PGBD2: variants seen among roughly 807,000 people sequenced by gnomAD.
PGBD2 encodes the protein piggyBac transposable element-derived protein 2.
A neutral mutation model predicts 8.1 loss-of-function variants in PGBD2; 6 were observed. The ratio of observed to expected loss-of-function variants is 0.74; its 90% CI spans 0.40 to 1.46. The LOEUF is 1.46. Among genes scored for constraint, PGBD2 ranks in the 40% most tolerant of loss-of-function variants. The probability of loss-of-function intolerance (pLI) is 0.02; values close to 1 mark genes in which losing one functional copy is unlikely to be tolerated. For missense variants in PGBD2, 802 were observed against 739.0 expected, an observed-to-expected ratio of 1.09 and a Z score of -0.99; for synonymous variants, 318 against 272.2, an observed-to-expected ratio of 1.17 and a Z score of -1.66.
rs572383689 is a variant in PGBD2, at chr1:248,916,477, G to T, written c.18-125G>T. ...ATTTACTTACTAAATGCGGTGCCTT[G>T]TGATGCCAGATCTGTGAAGCCATTC... On this transcript the variant is annotated intron_variant, in intron 2 of 2. Transcript: ENST00000329291. 24 of 734,462 alleles carry T rather than the reference G, an allele frequency of 3.3e-5. No homozygotes were observed. In the African/African-American group the frequency reaches 3.5e-4, roughly 11 times the overall value. 45.5% of individuals were successfully genotyped at this position (734,462 alleles called of 1,614,324 possible). A position where few individuals can be genotyped will look rare whatever the true frequency, so the allele number is the denominator to read the frequency against.
At chr1:248,887,789 T>C in the PGBD2 span, among the ~76,000 whole-genome samples, 2 of 152,192 alleles carry the variant, frequency 1.3e-5, no homozygotes, top group Admixed American at 6.5e-5. Flanking sequence ...ACAAACACTT[T>C]TGCACCAACC....
At chr1:248,919,734 C>T (rs1312777382), downstream of PGBD2, 2 of 166,770 alleles carry the variant, frequency 1.2e-5, no homozygotes, top group African/African-American at 2.4e-5. Flanking sequence ...CTTTTCTCCA[C>T]ATCCTTGCCA....
At chr1:248,904,576 C>G (rs1558282516), upstream of PGBD2, among the ~76,000 whole-genome samples, 2 of 152,162 alleles carry the variant, frequency 1.3e-5, no homozygotes, top group Admixed American at 6.5e-5. Flanking sequence ...GAACTCACCC[C>G]CTCTTTGACC....
chr1:248,898,741 C>A, the PGBD2 span, among the ~76,000 whole-genome samples: 4 of 152,112 alleles, frequency 2.6e-5, no homozygotes, highest in Non-Finnish European at 5.9e-5. Context: ...ATGACGGGAA[C>A]AAATTCACAA....
At chr1:248,894,705 TCTTTCTTG>T in the PGBD2 span, among the ~76,000 whole-genome samples, 2 of 139,996 alleles carry the variant, frequency 1.4e-5, no homozygotes, top group African/African-American at 5.9e-5. Flanking sequence ...CTCCCTCCTT[TCTTTCTTG>T]CTTGCTTGCT....
At chr1:248,874,184 T>C in the PGBD2 span, among the ~76,000 whole-genome samples, 1 of 152,218 alleles carries the variant, frequency 6.6e-6, no homozygotes, top group Non-Finnish European at 1.5e-5. Flanking sequence ...ATCATGTTTC[T>C]ATAGGAGATA....
chr1:248,894,200 C>G, the PGBD2 span, among the ~76,000 whole-genome samples: 1 of 151,850 alleles, frequency 6.6e-6, no homozygotes, highest in Non-Finnish European at 1.5e-5. Context: ...TTTGGGTTGT[C>G]TTTTTATTTT....
intron 1 of PGBD2, among the ~76,000 whole-genome samples, chr1:248,911,668 G>A (rs1661886581): frequency 6.7e-6 from 1 of 148,924 alleles, no homozygotes. Flanking sequence ...CCGGGCAGAG[G>A]GGCTCCTCAC....
chr1:248,887,747 G>A, the PGBD2 span, among the ~76,000 whole-genome samples: 3 of 152,076 alleles, frequency 2.0e-5, no homozygotes, highest in African/African-American at 4.8e-5. Context: ...AAGTGATTGC[G>A]ATTTTTGCCA....
chr1:248,907,281 A>G (rs12120712), intron 1 of PGBD2, among the ~76,000 whole-genome samples: 3,528 of 152,358 alleles, frequency 0.023, 75 homozygotes, highest in Non-Finnish European at 0.034. Context: ...GGAATAAAGA[A>G]TAACAGGGCA....
rs561344621 is a variant in PGBD2 at position 248,911,544 on chromosome 1, G to A, written c.-47-2272G>A. Among the ~76,000 whole-genome samples the A allele has an allele frequency of 2.1e-4, 31 of 145,602 alleles. 1 individual carries two copies. The highest frequency in any genetic ancestry group is 1.0e-4 in the Non-Finnish European group (7 of 67,866). ...TTCTACACAGACACGGCAACCATCC[G>A]ATTTCTCAATCTTTTCCCCACCTTT... On this transcript the variant is annotated intron_variant, in intron 1 of 2. Coordinates refer to ENST00000329291, the MANE Select transcript of PGBD2 (RefSeq NM_170725.3).
At chr1:248,874,292 G>A in the PGBD2 span, among the ~76,000 whole-genome samples, 7 of 152,114 alleles carry the variant, frequency 4.6e-5, no homozygotes, top group Admixed American at 2.0e-4. Context: ...TCACCGCCGC[G>A]GCCCGGGTTC....
the PGBD2 span, among the ~76,000 whole-genome samples, chr1:248,873,946 A>G: frequency 1.3e-5 from 2 of 152,278 alleles, no homozygotes; most frequent in South Asian, 2.1e-4. Context: ...GTGGGTTCGA[A>G]TCCCACTTCT....
At chr1:248,891,147 A>T in the PGBD2 span, among the ~76,000 whole-genome samples, 1 of 152,244 alleles carries the variant, frequency 6.6e-6, no homozygotes, top group Non-Finnish European at 1.5e-5. Context: ...TGTCTCTGTC[A>T]GATGTGTTGC....
chr1:248,888,038 A>C, the PGBD2 span, among the ~76,000 whole-genome samples: 1 of 152,172 alleles, frequency 6.6e-6, no homozygotes, highest in African/African-American at 2.4e-5. Flanking sequence ...GTGTTAATTC[A>C]CTTAGGATAA....
At chr1:248,911,469 G>T (rs1317119709) in intron 1 of PGBD2, among the ~76,000 whole-genome samples, 1 of 148,694 alleles carries the variant, frequency 6.7e-6, no homozygotes, top group East Asian at 1.9e-4. Flanking sequence ...CAAGGCAGAA[G>T]AAGTTTTCTT....
chr1:248,920,325 T>A (rs1364816556), downstream of PGBD2, among the ~76,000 whole-genome samples: 1 of 148,204 alleles, frequency 6.7e-6, no homozygotes, highest in African/African-American at 2.5e-5. Flanking sequence ...CAGGTCCTGG[T>A]ATGAGGTTCC....
chr1:248,884,281 A>G, the PGBD2 span, among the ~76,000 whole-genome samples: 2 of 152,104 alleles, frequency 1.3e-5, no homozygotes, highest in Non-Finnish European at 2.9e-5. Flanking sequence ...CAACGAAACC[A>G]GTCTCAAGGA....
intron 2 of PGBD2, among the ~76,000 whole-genome samples, chr1:248,914,117 G>A (rs907975780): frequency 1.3e-5 from 2 of 152,174 alleles, no homozygotes; most frequent in Non-Finnish European, 2.9e-5. Context: ...AGAAAACCAT[G>A]ACTTCACTTT....
Sources: allele counts gnomAD v4.1 joint callset (sites outside exome capture counted in the v4.1 genomes callset), GRCh38; gene constraint gnomAD v4.1.1; transcripts MANE v1.5; gene names NCBI Gene and HGNC (gene_info 2026-07-23, HGNC 2026-07-21).